LRMDA: variants seen among roughly 807,000 people sequenced by gnomAD.
LRMDA encodes leucine-rich melanocyte differentiation-associated protein.
A neutral mutation model predicts 29.8 loss-of-function variants in LRMDA; 18 were observed. The observed-to-expected ratio is 0.60, with a 90% CI of 0.42 to 0.90. The LOEUF is 0.90. Among genes scored for constraint, LRMDA ranks in the 40% least tolerant of loss-of-function variants. The pLI, the probability that LRMDA is intolerant of heterozygous loss-of-function variation, is 0.00. For missense variants in LRMDA, 273 were observed against 273.9 expected, an observed-to-expected ratio of 1.00 and a Z score of 0.02; for synonymous variants, 125 against 109.4, an observed-to-expected ratio of 1.14 and a Z score of -0.89.
intron 2 of LRMDA, among the ~76,000 whole-genome samples, chr10:75,739,709 G>T (rs771164015): frequency 6.6e-6 from 1 of 152,184 alleles, no homozygotes; most frequent in Admixed American, 6.5e-5. Context: ...GAATGTTTTT[G>T]TGACTGAAGC....
chr10:75,895,782 G>C (rs1397683813), intron 2 of LRMDA, among the ~76,000 whole-genome samples: 4 of 152,222 alleles, frequency 2.6e-5, no homozygotes, highest in Non-Finnish European at 5.9e-5. Flanking sequence ...GCGGGTTTAT[G>C]TTTAGAACAT....
intron 5 of LRMDA, among the ~76,000 whole-genome samples, chr10:76,246,524 G>A (rs762398823): frequency 6.8e-6 from 1 of 146,820 alleles, no homozygotes; most frequent in Non-Finnish European, 1.5e-5. Context: ...CCTGGGGCAA[G>A]CAAGTGCTTG....
At chr10:76,221,994 A>G (rs1851851098) in intron 5 of LRMDA, among the ~76,000 whole-genome samples, 1 of 152,076 alleles carries the variant, frequency 6.6e-6, no homozygotes, top group East Asian at 1.9e-4. Flanking sequence ...TCTTTGACAA[A>G]CCTGAGAAAA....
intron 2 of LRMDA, among the ~76,000 whole-genome samples, chr10:76,020,141 C>A (rs75483213): frequency 6.6e-6 from 1 of 152,210 alleles, no homozygotes; most frequent in African/African-American, 2.4e-5. Flanking sequence ...GCAGCTTTGC[C>A]TGAGGTGGGG....
chr10:76,386,891 T>C lies in LRMDA; in HGVS notation c.601+62406T>C, dbSNP rs960104247. On this transcript the variant is annotated intron_variant, in intron 6 of 6. Transcript: ENST00000611255. ...AACAACAAAAAATCCAGTAGAAATG[T>C]TGGACAAAAGATGTGATTATACAAA... 2.0e-3 allele frequency among the ~76,000 whole-genome samples: 299 copies of C among 152,164 alleles called. 2 individuals are homozygous for C. Among genetic ancestry groups the C allele is most frequent in the African/African-American group, 6.5e-3 (270 of 41,550 alleles).
intron 2 of LRMDA, among the ~76,000 whole-genome samples, chr10:75,540,074 A>C (rs958792577): frequency 1.2e-4 from 18 of 152,218 alleles, no homozygotes; most frequent in Non-Finnish European, 1.5e-5. Context: ...AGCAGAAATA[A>C]TAACAGATAA....
chr10:75,521,425 CT>C, intron 2 of LRMDA, among the ~76,000 whole-genome samples: 1 of 152,366 alleles, frequency 6.6e-6, no homozygotes, highest in Middle Eastern at 3.4e-3. Flanking sequence ...GCAGACGCCC[CT>C]CCCCCTGCCT....
chr10:75,618,156 C>T (rs1249376902), intron 2 of LRMDA, among the ~76,000 whole-genome samples: 12 of 152,072 alleles, frequency 7.9e-5, no homozygotes, highest in Admixed American at 7.9e-4. Context: ...TAACATTTTT[C>T]TGCATCTGTC....
At chr10:75,670,547 C>A (rs7081204) in intron 2 of LRMDA, among the ~76,000 whole-genome samples, 17,995 of 152,084 alleles carry the variant, frequency 0.12, 2,528 homozygotes, top group East Asian at 0.33. Flanking sequence ...TGGTGAGGAG[C>A]TGGCTTTTCC....
intron 2 of LRMDA, among the ~76,000 whole-genome samples, chr10:75,844,407 A>C (rs768360595): frequency 2.6e-4 from 39 of 152,222 alleles, no homozygotes; most frequent in Non-Finnish European, 2.9e-5. Flanking sequence ...TAAACAACAG[A>C]AGACAGAAAG....
intron 6 of LRMDA, among the ~76,000 whole-genome samples, chr10:76,392,178 T>G (rs1841730506): frequency 6.6e-6 from 1 of 152,158 alleles, no homozygotes; most frequent in South Asian, 2.1e-4. Flanking sequence ...TATATTCAGT[T>G]TATGTAGCTT....
At chr10:76,536,896 G>A (rs151214325) in intron 6 of LRMDA, among the ~76,000 whole-genome samples, 4 of 152,202 alleles carry the variant, frequency 2.6e-5, no homozygotes, top group African/African-American at 9.6e-5. Context: ...GATAATACTT[G>A]CCTGAATTAC....
chr10:76,158,974 CAG>C (rs149479660), intron 5 of LRMDA, among the ~76,000 whole-genome samples: 1 of 152,078 alleles, frequency 6.6e-6, no homozygotes, highest in African/African-American at 2.4e-5. Context: ...GAATTCTAGA[CAG>C]AGGTTAAATG....
At chr10:76,487,717 G>A (rs1489791024) in intron 6 of LRMDA, among the ~76,000 whole-genome samples, 1 of 151,844 alleles carries the variant, frequency 6.6e-6, no homozygotes, top group Admixed American at 6.6e-5. Context: ...CTTGGATTGA[G>A]CTCTTTCTAT....
At chr10:75,465,141 T>C (rs1165771302) in intron 2 of LRMDA, among the ~76,000 whole-genome samples, 3 of 152,180 alleles carry the variant, frequency 2.0e-5, no homozygotes, top group Non-Finnish European at 4.4e-5. Context: ...CTGAAGAGGA[T>C]GAGGCAAGCC....
At chr10:76,545,750 C>T (rs1011864034) in intron 6 of LRMDA, among the ~76,000 whole-genome samples, 22 of 151,630 alleles carry the variant, frequency 1.5e-4, no homozygotes, top group African/African-American at 5.3e-4. Flanking sequence ...AAACTCAAGA[C>T]ACTAGAACCC....
At chr10:76,207,813 A>G (rs1278567187) in intron 5 of LRMDA, among the ~76,000 whole-genome samples, 1 of 152,120 alleles carries the variant, frequency 6.6e-6, no homozygotes, top group Non-Finnish European at 1.5e-5. Context: ...AAAACACAAA[A>G]GTTAGCTGGG....
rs559360919 is a variant in LRMDA, at chr10:75,902,382, T to C, written c.132-133626T>C. Among the ~76,000 whole-genome samples the C allele has an allele frequency of 4.6e-5, 7 of 152,154 alleles. No homozygotes were observed. In the South Asian group the frequency reaches 1.0e-3, roughly 23 times the overall value. ...TTGTTCCCTGGACCTCTTTATCCCA[T>C]AGGGGTGGGAGGGGATGGAGGAGGG... is the stretch of plus-strand genomic sequence containing the variant. On this transcript the variant is annotated intron_variant, in intron 2 of 6. Coordinates refer to ENST00000611255, the MANE Select transcript of LRMDA (RefSeq NM_001305581.2).
intron 2 of LRMDA, among the ~76,000 whole-genome samples, chr10:75,814,997 C>G (rs1474510677): frequency 6.6e-6 from 1 of 152,120 alleles, no homozygotes; most frequent in African/African-American, 2.4e-5. Context: ...AAAGCTTGTA[C>G]CCATTGGTTT....
Sources: gnomAD v4.1 joint callset for allele counts (sites outside exome capture counted in the v4.1 genomes callset) on GRCh38, gnomAD v4.1.1 for gene constraint, MANE v1.5 for transcripts, NCBI Gene and HGNC (gene_info 2026-07-23, HGNC 2026-07-21) for gene names.